The following AFG2A variants were observed in gnomAD, a reference collection of about 807,000 sequenced individuals.
AFG2A encodes the protein ATPase family gene 2 protein homolog A.
chr4:123,107,594 A>G, the AFG2A span, among the ~76,000 whole-genome samples: 2 of 152,174 alleles, frequency 1.3e-5, no homozygotes, highest in Non-Finnish European at 2.9e-5. Flanking sequence ...CAGGCTGTCC[A>G]TGTCTTGAAG....
chr4:123,188,229 C>G, the AFG2A span, among the ~76,000 whole-genome samples: 3 of 152,048 alleles, frequency 2.0e-5, no homozygotes, highest in African/African-American at 7.2e-5. Context: ...TGCATTCCTA[C>G]AAAGTTTGTT....
At chr4:123,308,020 A>C in the AFG2A span, among the ~76,000 whole-genome samples, 2 of 151,584 alleles carry the variant, frequency 1.3e-5, no homozygotes, top group African/African-American at 4.9e-5. Flanking sequence ...ACACGTGACT[A>C]TATGTTACTG....
the AFG2A span, among the ~76,000 whole-genome samples, chr4:123,059,939 G>A: frequency 2.6e-5 from 4 of 152,286 alleles, no homozygotes; most frequent in Middle Eastern, 3.4e-3. Flanking sequence ...TTTTTTGGCT[G>A]CATAAATGTC....
the AFG2A span, among the ~76,000 whole-genome samples, chr4:123,292,546 T>C: frequency 6.6e-6 from 1 of 152,290 alleles, no homozygotes; most frequent in South Asian, 2.1e-4. Flanking sequence ...TTAAAAAAAA[T>C]TCCCCTTGAG....
chr4:123,044,623 T>C, the AFG2A span, among the ~76,000 whole-genome samples: 177 of 152,336 alleles, frequency 1.2e-3, 1 homozygote, highest in African/African-American at 4.1e-3. Context: ...AACAAGTTAG[T>C]ATGAATTTAT....
the AFG2A span, chr4:122,928,922 G>A: frequency 1.6e-6 from 2 of 1,279,306 alleles, no homozygotes; most frequent in African/African-American, 1.5e-5. Flanking sequence ...CTCTTTTTGG[G>A]TAAAGACTGT....
chr4:123,020,434 T>C, the AFG2A span, among the ~76,000 whole-genome samples: 1 of 151,712 alleles, frequency 6.6e-6, no homozygotes, highest in Non-Finnish European at 1.5e-5. Context: ...AATGGCGCGA[T>C]CTCGGCTCAG....
At chr4:122,935,970 ATTGT>A in the AFG2A span, 157 of 1,311,686 alleles carry the variant, frequency 1.2e-4, no homozygotes, top group Admixed American at 1.5e-3. Flanking sequence ...CTTAATAAAA[ATTGT>A]TTGGAAAATT....
chr4:122,942,145 C>T, the AFG2A span, among the ~76,000 whole-genome samples: 1 of 151,276 alleles, frequency 6.6e-6, no homozygotes, highest in Non-Finnish European at 1.5e-5. Flanking sequence ...ATGCTGGCCT[C>T]ATAAAATGAG....
the AFG2A span, among the ~76,000 whole-genome samples, chr4:123,286,928 A>G: frequency 5.3e-5 from 8 of 152,150 alleles, no homozygotes; most frequent in South Asian, 6.2e-4. Context: ...AAGTCACTAA[A>G]ATTACTCCCC....
At chr4:122,995,858 G>A in the AFG2A span, among the ~76,000 whole-genome samples, 2 of 152,192 alleles carry the variant, frequency 1.3e-5, no homozygotes, top group African/African-American at 4.8e-5. Flanking sequence ...TTCAGACAGA[G>A]TAAAGGAGAT....
the AFG2A span, among the ~76,000 whole-genome samples, chr4:123,236,700 T>G: frequency 6.6e-6 from 1 of 152,184 alleles, no homozygotes; most frequent in Non-Finnish European, 1.5e-5. Context: ...CCTATGAGGC[T>G]TTTTTAAACT....
At chr4:123,286,879 G>A in the AFG2A span, among the ~76,000 whole-genome samples, 74 of 151,706 alleles carry the variant, frequency 4.9e-4, 1 homozygote, top group Middle Eastern at 3.5e-3. Flanking sequence ...AAAAGTATAT[G>A]TTCACATGGA....
the AFG2A span, among the ~76,000 whole-genome samples, chr4:123,297,224 G>C: frequency 6.6e-6 from 1 of 152,022 alleles, no homozygotes; most frequent in Admixed American, 6.5e-5. Flanking sequence ...TTCTAACTTT[G>C]ACCATAATCC....
At chr4:123,114,457 C>A in the AFG2A span, among the ~76,000 whole-genome samples, 1 of 152,238 alleles carries the variant, frequency 6.6e-6, no homozygotes, top group African/African-American at 2.4e-5. Context: ...TCTTGGCCTC[C>A]CTCTCCTACT....
chr4:123,134,623 A>C, the AFG2A span, among the ~76,000 whole-genome samples: 86,014 of 142,406 alleles, frequency 0.6, 30,516 homozygotes, highest in East Asian at 0.97. Context: ...GCAAAGGATC[A>C]TAAGAAACTA....
At chr4:123,041,589 T>C in the AFG2A span, among the ~76,000 whole-genome samples, 2 of 152,126 alleles carry the variant, frequency 1.3e-5, no homozygotes, top group Non-Finnish European at 2.9e-5. Context: ...TGGAGTGCAA[T>C]GGCGTGATCT....
chr4:123,120,797 A>G, the AFG2A span, among the ~76,000 whole-genome samples: 1 of 152,312 alleles, frequency 6.6e-6, no homozygotes, highest in South Asian at 2.1e-4. Context: ...TTCCATTTGT[A>G]TAGTACATCA....
chr4:123,145,624 G>A, the AFG2A span, among the ~76,000 whole-genome samples: 1 of 152,162 alleles, frequency 6.6e-6, no homozygotes, highest in Non-Finnish European at 1.5e-5. Flanking sequence ...TCCAAAGCCG[G>A]TGACATTAAC....
Sources: gnomAD v4.1 joint callset for allele counts (sites outside exome capture counted in the v4.1 genomes callset) on GRCh38, gnomAD v4.1.1 for gene constraint, MANE v1.5 for transcripts, NCBI Gene and HGNC (gene_info 2026-07-23, HGNC 2026-07-21) for gene names.